Variants in RNF217 observed in about 807,000 individuals in gnomAD.
RNF217 encodes E3 ubiquitin-protein ligase RNF217.
A neutral mutation model predicts 57.8 loss-of-function variants in RNF217; 31 were observed. The observed-to-expected ratio is 0.54, with a 90% CI of 0.40 to 0.72. The LOEUF (loss-of-function observed/expected upper bound fraction) is 0.72. Ranked by LOEUF, RNF217 falls within the 30% of genes least tolerant of loss-of-function variation. The pLI, the probability that RNF217 is intolerant of heterozygous loss-of-function variation, is 0.00. For missense variants in RNF217, 696 were observed against 708.3 expected (o/e 0.98, Z 0.20); for synonymous variants, 313 against 294.0 (o/e 1.06, Z -0.66).
intron 1 of RNF217, among the ~76,000 whole-genome samples, chr6:125,041,687 T>C (rs1440601550): frequency 6.6e-6 from 1 of 152,102 alleles, no homozygotes; most frequent in African/African-American, 2.4e-5. Context: ...GTCATTTCCT[T>C]AGAGATTGCT....
chr6:124,967,352 A>G (rs1783585140), intron 1 of RNF217, among the ~76,000 whole-genome samples: 1 of 152,182 alleles, frequency 6.6e-6, no homozygotes, highest in African/African-American at 2.4e-5. Context: ...GAATGGTACT[A>G]TGTTCATTTC....
At position 125,085,982 on chromosome 6, in the gene RNF217, T is replaced by C. The variant is rs921951782; in HGVS notation, c.*3045T>C. On this transcript the variant is annotated 3_prime_UTR_variant, in exon 6 of 6. Coordinates refer to ENST00000521654, the MANE Select transcript of RNF217 (RefSeq NM_001286398.3). ...TAGGAGTATACTTTAACTTATTGAA[T>C]TAGTCCCCTGTTGAATGGACTACAA... 1 of 152,006 alleles carries C rather than the reference T, an allele frequency of 6.6e-6. No individual in the cohort carries two copies. The highest frequency in any genetic ancestry group is 1.5e-5 in the Non-Finnish European group (1 of 67,900). The allele number at this position is 152,006 out of a possible 1,614,324, so 9.4% of individuals were successfully genotyped here. A position where few individuals can be genotyped will look rare whatever the true frequency, so the allele number is the denominator to read the frequency against.
At chr6:124,969,191 C>G (rs567374488) in intron 1 of RNF217, among the ~76,000 whole-genome samples, 1 of 152,026 alleles carries the variant, frequency 6.6e-6, no homozygotes, top group Admixed American at 6.6e-5. Context: ...AAATCTATTA[C>G]TTATTTCTTA....
chr6:125,052,189 G>A (rs1195774951), intron 2 of RNF217, among the ~76,000 whole-genome samples: 3 of 151,628 alleles, frequency 2.0e-5, no homozygotes, highest in African/African-American at 7.3e-5. Context: ...TAATTGTGTT[G>A]CATATGTAAA....
chr6:124,988,140 C>G (rs181310930), intron 1 of RNF217, among the ~76,000 whole-genome samples: 61 of 152,214 alleles, frequency 4.0e-4, no homozygotes, highest in Admixed American at 1.2e-3. Context: ...TGCGAGGGAT[C>G]TGGGTTGCAC....
At chr6:125,050,127 C>A (rs1787254512) in intron 2 of RNF217, among the ~76,000 whole-genome samples, 1 of 151,926 alleles carries the variant, frequency 6.6e-6, no homozygotes, top group Non-Finnish European at 1.5e-5. Flanking sequence ...TTTACTCATA[C>A]AGGTTTTACT....
At chr6:125,026,045 C>G (rs80036297) in intron 1 of RNF217, among the ~76,000 whole-genome samples, 1 of 152,236 alleles carries the variant, frequency 6.6e-6, no homozygotes, top group African/African-American at 2.4e-5. Flanking sequence ...CCCATATGAT[C>G]GTGGAGACCA....
intron 3 of RNF217, among the ~76,000 whole-genome samples, chr6:125,069,814 A>G (rs1429266891): frequency 6.6e-6 from 1 of 152,050 alleles, no homozygotes; most frequent in African/African-American, 2.4e-5. Context: ...TTGTTTTTTG[A>G]CTTTTTAATA....
chr6:124,976,470 A>C (rs996832187), intron 1 of RNF217, among the ~76,000 whole-genome samples: 1 of 150,918 alleles, frequency 6.6e-6, no homozygotes, highest in African/African-American at 2.5e-5. Flanking sequence ...GGGTTTCACT[A>C]TGTTGGCCAG....
intron 1 of RNF217, among the ~76,000 whole-genome samples, chr6:124,966,750 A>G (rs537699944): frequency 6.6e-6 from 1 of 152,330 alleles, no homozygotes; most frequent in East Asian, 1.9e-4. Context: ...TCAACTTGGA[A>G]GATAGGAATA....
chr6:125,092,010 C>A lies in RNF217; in HGVS notation c.*9073C>A, dbSNP rs1449617724. 1 of 151,882 alleles carries A rather than the reference C, an allele frequency of 6.6e-6. No individual in the cohort carries two copies. The highest frequency in any genetic ancestry group is 1.5e-5 in the Non-Finnish European group (1 of 67,980). The allele number at this position is 151,882 out of a possible 1,614,324, so 9.4% of individuals were successfully genotyped here. ...TGTATGCTGAATAATTAAACTAAAC[C>A]ATGTGCTTAGAAAAGACAAAGACAG... is the stretch of plus-strand genomic sequence containing the variant. On this transcript the variant is annotated 3_prime_UTR_variant, in exon 6 of 6. Coordinates refer to ENST00000521654, the MANE Select transcript of RNF217 (RefSeq NM_001286398.3).
At chr6:125,022,106 C>T (rs921867181) in intron 1 of RNF217, among the ~76,000 whole-genome samples, 1 of 152,046 alleles carries the variant, frequency 6.6e-6, no homozygotes. Flanking sequence ...TGCTCTCGAA[C>T]TCCTTACCTT....
intron 1 of RNF217, among the ~76,000 whole-genome samples, chr6:124,984,380 GTACAAAAAA>G (rs1182133316): frequency 6.6e-6 from 1 of 151,794 alleles, no homozygotes; most frequent in Non-Finnish European, 1.5e-5. Context: ...AACCCTGTCT[GTACAAAAAA>G]TACAAAAAAG....
intron 1 of RNF217, among the ~76,000 whole-genome samples, chr6:124,987,379 C>T (rs1277733596): frequency 6.6e-6 from 1 of 152,080 alleles, no homozygotes; most frequent in Non-Finnish European, 1.5e-5. Context: ...CATTCCCTGC[C>T]CTCACCCCAG....
At chr6:125,022,284 AAC>A (rs1391121120) in intron 1 of RNF217, among the ~76,000 whole-genome samples, 3 of 152,240 alleles carry the variant, frequency 2.0e-5, no homozygotes, top group African/African-American at 7.2e-5. Context: ...GAGATTATTC[AAC>A]AGTTATGTAA....
chr6:124,968,523 C>T (rs1358931951), intron 1 of RNF217, among the ~76,000 whole-genome samples: 1 of 151,970 alleles, frequency 6.6e-6, no homozygotes, highest in Non-Finnish European at 1.5e-5. Flanking sequence ...TAGAGGAATC[C>T]TCTGTCAAGT....
chr6:125,081,715 A>G (rs1185413763), intron 5 of RNF217, among the ~76,000 whole-genome samples: 1 of 152,114 alleles, frequency 6.6e-6, no homozygotes, highest in Non-Finnish European at 1.5e-5. Context: ...CAGTCTATGA[A>G]CACTGTGATT....
At chr6:124,991,431 C>T (rs1784556443) in intron 1 of RNF217, among the ~76,000 whole-genome samples, 1 of 152,166 alleles carries the variant, frequency 6.6e-6, no homozygotes, top group African/African-American at 2.4e-5. Context: ...TGCTACCAAC[C>T]CTCATCCCCC....
chr6:125,056,145 A>C (rs1034394116), intron 2 of RNF217, among the ~76,000 whole-genome samples: 1 of 152,162 alleles, frequency 6.6e-6, no homozygotes, highest in Non-Finnish European at 1.5e-5. Context: ...TAAGTTGTCA[A>C]TTGTCAAAGA....
Sources: gnomAD v4.1 joint callset for allele counts (sites outside exome capture counted in the v4.1 genomes callset) on GRCh38, gnomAD v4.1.1 for gene constraint, MANE v1.5 for transcripts, NCBI Gene and HGNC (gene_info 2026-07-23, HGNC 2026-07-21) for gene names.